The following TMEM212 variants were observed in gnomAD, a reference collection of about 807,000 sequenced individuals.
The protein encoded by TMEM212 is transmembrane protein 212.
TMEM212 carries 23 observed loss-of-function variants against 20.5 expected under a neutral mutation model. The ratio of observed to expected loss-of-function variants is 1.12; its 90% CI spans 0.81 to 1.59. The LOEUF is 1.59. TMEM212 is among the 40% of genes most tolerant of loss of function. The pLI, the probability that TMEM212 is intolerant of heterozygous loss-of-function variation, is 0.00. For missense variants in TMEM212, 211 were observed against 215.0 expected (o/e 0.98, Z 0.12); for synonymous variants, 76 against 81.6 (o/e 0.93, Z 0.37).
At chr3:171,855,028 T>C (rs899724864) in intron 3 of TMEM212, among the ~76,000 whole-genome samples, 2 of 152,182 alleles carry the variant, frequency 1.3e-5, no homozygotes, top group African/African-American at 4.8e-5. Flanking sequence ...ATCATAATAG[T>C]CTTTCTAGAG....
At chr3:171,856,938 A>C (rs999802673) in intron 4 of TMEM212, 2 of 346,736 alleles carry the variant, frequency 5.8e-6, no homozygotes, top group Middle Eastern at 7.7e-4. Context: ...TTAATTAAAC[A>C]TGCTAAATGG....
chr3:171,850,333 A>G (rs1325712202), intron 1 of TMEM212, among the ~76,000 whole-genome samples: 1 of 152,224 alleles, frequency 6.6e-6, no homozygotes, highest in East Asian at 1.9e-4. Flanking sequence ...ATGTAAACAA[A>G]GCAAAATTCA....
At chr3:171,846,308 T>G (rs1724830422) in intron 1 of TMEM212, among the ~76,000 whole-genome samples, 1 of 152,220 alleles carries the variant, frequency 6.6e-6, no homozygotes. Flanking sequence ...TATTTAAAAT[T>G]GTAATCCCCT....
intron 3 of TMEM212, among the ~76,000 whole-genome samples, chr3:171,855,065 C>T (rs1256360005): frequency 6.9e-6 from 1 of 144,788 alleles, no homozygotes; most frequent in Non-Finnish European, 1.5e-5. Context: ...AAAAAATACA[C>T]TAATACAAAA....
intron 1 of TMEM212, among the ~76,000 whole-genome samples, chr3:171,850,076 T>C (rs1724937861): frequency 6.6e-6 from 1 of 152,052 alleles, no homozygotes; most frequent in Non-Finnish European, 1.5e-5. Context: ...AATCTCTTCC[T>C]TTTTCATTCT....
In TMEM212 at chr3:171,858,792, TA is replaced by T. The variant is rs1725179780; in HGVS notation, c.*736del. 6.6e-6 allele frequency: 1 copy of T among 152,162 alleles called. No homozygotes were observed. Among genetic ancestry groups the T allele is most frequent in the Non-Finnish European group, 1.5e-5 (1 of 68,036 alleles). The allele number at this position is 152,162 out of a possible 1,614,324, so 9.4% of individuals were successfully genotyped here. A position where few individuals can be genotyped will look rare whatever the true frequency, so the allele number is the denominator to read the frequency against. The stretch of plus-strand genomic sequence containing the variant: ...TGGACACTTCTCAAAAGAAGACATT[TA>T]TGAAGCCAACAGACACACATAATCC... On this transcript the variant is annotated 3_prime_UTR_variant, in exon 5 of 5. Transcript: ENST00000334567.
intron 1 of TMEM212, 62 bp downstream of exon 1, chr3:171,843,604 A>G: frequency 7.3e-7 from 1 of 1,369,370 alleles, no homozygotes; most frequent in Non-Finnish European, 9.7e-7. Flanking sequence ...GAAAGGGAAA[A>G]CAGAAGAACA....
chr3:171,848,301 G>A (rs572952240), intron 1 of TMEM212, among the ~76,000 whole-genome samples: 8 of 152,196 alleles, frequency 5.3e-5, no homozygotes, highest in South Asian at 4.1e-4. Flanking sequence ...CTGGTCCTAG[G>A]ACCACACTGC....
intron 1 of TMEM212, among the ~76,000 whole-genome samples, chr3:171,846,540 A>G (rs1724837083): frequency 6.6e-6 from 1 of 152,230 alleles, no homozygotes; most frequent in Non-Finnish European, 1.5e-5. Context: ...TCTGTGTTCA[A>G]TAAATATTGT....
chr3:171,849,593 C>A (rs556241573), intron 1 of TMEM212, among the ~76,000 whole-genome samples: 6 of 152,178 alleles, frequency 3.9e-5, no homozygotes, highest in African/African-American at 1.4e-4. Context: ...ATTACTTTAT[C>A]AGCACAGTAC....
intron 1 of TMEM212, among the ~76,000 whole-genome samples, chr3:171,845,286 A>G (rs1724806652): frequency 6.6e-6 from 1 of 152,228 alleles, no homozygotes; most frequent in Non-Finnish European, 1.5e-5. Context: ...ATAGATATCT[A>G]CATCTATTAT....
chr3:171,855,503 A>G (rs551033566), intron 3 of TMEM212, among the ~76,000 whole-genome samples: 1 of 152,248 alleles, frequency 6.6e-6, no homozygotes, highest in East Asian at 1.9e-4. Flanking sequence ...TTAAAAAACA[A>G]TTATTGAGTA....
intron 3 of TMEM212, among the ~76,000 whole-genome samples, chr3:171,855,966 T>G (rs954028588): frequency 1.4e-4 from 22 of 152,166 alleles, no homozygotes; most frequent in African/African-American, 4.1e-4. Context: ...TAAAAACTAT[T>G]TAATGGTTGC....
In TMEM212 at chr3:171,846,931, T is replaced by C. The variant is rs557159978; in HGVS notation, c.159+3389T>C. Reference sequence around the variant, plus strand: ...TTTGTACATTTCAACCATATTAACATTTCCTTTTACAGATGACTCCATATT... The same window carrying C: ...TTTGTACATTTCAACCATATTAACACTTCCTTTTACAGATGACTCCATATT... On this transcript the variant is annotated intron_variant, in intron 1 of 4. Transcript: ENST00000334567. Among the ~76,000 whole-genome samples the C allele has an allele frequency of 3.9e-5, 6 of 152,322 alleles. No individual in the cohort carries two copies. In the East Asian group the frequency reaches 1.2e-3, roughly 29 times the overall value.
Position 171,850,577 on chromosome 3 carries a change from C to T in TMEM212, c.160-1405C>T, listed in dbSNP as rs1033255941. On this transcript the variant is annotated intron_variant, in intron 1 of 4. Coordinates refer to ENST00000334567, the MANE Select transcript of TMEM212 (RefSeq NM_001164436.2). ...AGAGGAGTGATGTGTCAATTGAGGG[C>T]CATGCCTCCCAAAGCACAGAAAGCC... Among the ~76,000 whole-genome samples the T allele has an allele frequency of 9.9e-5, 15 of 152,284 alleles. 1 individual carries two copies. The South Asian group carries it at 1.0e-3, about 11-fold the overall frequency.
At chr3:171,849,102 G>A (rs760131294) in intron 1 of TMEM212, among the ~76,000 whole-genome samples, 13 of 151,896 alleles carry the variant, frequency 8.6e-5, no homozygotes, top group Admixed American at 3.9e-4. Flanking sequence ...CTTTCAGTGT[G>A]GACTCCTCAC....
chr3:171,855,939 A>G (rs1368671350), intron 3 of TMEM212, among the ~76,000 whole-genome samples: 2 of 152,216 alleles, frequency 1.3e-5, no homozygotes, highest in Non-Finnish European at 2.9e-5. Flanking sequence ...AAAGGAAAAT[A>G]GTTTTTTTCC....
chr3:171,859,093 T>G lies in TMEM212; in HGVS notation c.*1036T>G, dbSNP rs930454746. On this transcript the variant is annotated 3_prime_UTR_variant, in exon 5 of 5. Coordinates refer to ENST00000334567, the MANE Select transcript of TMEM212 (RefSeq NM_001164436.2). ...CATGTTCTCACTCATAGGTGGGAAT[T>G]GAACAATGGGAACACTTGGACACAG... The G allele has an allele frequency of 6.6e-6, 1 of 152,038 alleles. No homozygotes were observed. The highest frequency in any genetic ancestry group is 2.4e-5 in the African/African-American group (1 of 41,372). The allele number at this position is 152,038 out of a possible 1,614,324, so 9.4% of individuals were successfully genotyped here.
intron 1 of TMEM212, among the ~76,000 whole-genome samples, chr3:171,843,998 T>C (rs986196634): frequency 2.0e-5 from 3 of 152,184 alleles, no homozygotes; most frequent in African/African-American, 4.8e-5. Context: ...ACCCCAAATA[T>C]TTGTTTTTCC....
Sources: allele counts gnomAD v4.1 joint callset (sites outside exome capture counted in the v4.1 genomes callset), GRCh38; gene constraint gnomAD v4.1.1; transcripts MANE v1.5; gene names NCBI Gene and HGNC (gene_info 2026-07-23, HGNC 2026-07-21).